Variants in NBEA observed in about 807,000 individuals in gnomAD.
NBEA encodes lysosomal-trafficking regulator 2.
A neutral mutation model predicts 343.4 loss-of-function variants in NBEA; 44 were observed. The observed-to-expected ratio is 0.13, with a 90% confidence interval of 0.10 to 0.16. NBEA has a LOEUF of 0.16. Ranked by LOEUF, NBEA falls within the 10% of genes least tolerant of loss-of-function variation. The pLI, the probability that NBEA is intolerant of heterozygous loss-of-function variation, is 1.00. For missense variants in NBEA, 2,555 were observed against 3,631.3 expected (o/e 0.70, Z 7.62); for synonymous variants, 1,175 against 1,238.7 (o/e 0.95, Z 1.08).
At chr13:35,525,553 C>CAATAAATA (rs532623658) in intron 41 of NBEA, among the ~76,000 whole-genome samples, 2 of 151,664 alleles carry the variant, frequency 1.3e-5, no homozygotes, top group East Asian at 1.9e-4. Context: ...GATTCCATCT[C>CAATAAATA]AATAAATAAA....
At chr13:35,123,677 A>T (rs2066919053) in intron 17 of NBEA, 103 bp downstream of exon 17, 1 of 562,342 alleles carries the variant, frequency 1.8e-6, no homozygotes, top group African/African-American at 2.0e-5. Context: ...TGAAAAATCT[A>T]ACAGCGGAAA....
intron 35 of NBEA, among the ~76,000 whole-genome samples, chr13:35,294,360 G>C (rs1366918074): frequency 6.6e-6 from 1 of 151,674 alleles, no homozygotes. Flanking sequence ...TTTCTTCTGA[G>C]GCTGAGTTAC....
At chr13:35,358,611 G>T (rs541377442) in intron 38 of NBEA, among the ~76,000 whole-genome samples, 89 of 151,858 alleles carry the variant, frequency 5.9e-4, no homozygotes, top group African/African-American at 2.1e-3. Flanking sequence ...CCAGCTACTC[G>T]GGAGTCTGAA....
At chr13:35,141,207 T>A (rs1317485882) in intron 17 of NBEA, among the ~76,000 whole-genome samples, 1 of 152,156 alleles carries the variant, frequency 6.6e-6, no homozygotes, top group East Asian at 1.9e-4. Flanking sequence ...AATAGAAAAT[T>A]GAAGAAATGA....
At chr13:34,980,758 A>G (rs1476202903) in intron 1 of NBEA, among the ~76,000 whole-genome samples, 1 of 152,154 alleles carries the variant, frequency 6.6e-6, no homozygotes, top group Non-Finnish European at 1.5e-5. Flanking sequence ...GAGTTTGTAG[A>G]TACTATTTAT....
intron 43 of NBEA, among the ~76,000 whole-genome samples, chr13:35,552,676 C>G (rs765156511): frequency 6.6e-6 from 1 of 152,100 alleles, no homozygotes; most frequent in African/African-American, 2.4e-5. Flanking sequence ...GAATAATCTC[C>G]TGTCTTCTGG....
chr13:35,262,729 T>C (rs1444835285), intron 34 of NBEA, among the ~76,000 whole-genome samples: 1 of 152,058 alleles, frequency 6.6e-6, no homozygotes, highest in Non-Finnish European at 1.5e-5. Context: ...GTGTGTTGAT[T>C]GTGGTGGCAA....
intron 16 of NBEA, among the ~76,000 whole-genome samples, chr13:35,119,384 CT>C (rs2066669005): frequency 6.6e-6 from 1 of 151,770 alleles, no homozygotes; most frequent in Non-Finnish European, 1.5e-5. Flanking sequence ...TTTTAAGTGC[CT>C]TTTTTACTTG....
At chr13:35,024,561 T>A (rs1456627038) in intron 1 of NBEA, among the ~76,000 whole-genome samples, 1 of 152,012 alleles carries the variant, frequency 6.6e-6, no homozygotes, top group African/African-American at 2.4e-5. Flanking sequence ...ACACCTGTAG[T>A]CCCAGTTACT....
At chr13:35,665,667 C>T (rs905878520) in intron 56 of NBEA, among the ~76,000 whole-genome samples, 13 of 152,142 alleles carry the variant, frequency 8.5e-5, no homozygotes, top group African/African-American at 2.2e-4. Flanking sequence ...ACTCTTGTCA[C>T]GCAGGCTGGG....
At chr13:35,561,707 C>G (rs1277727690) in intron 44 of NBEA, among the ~76,000 whole-genome samples, 1 of 152,210 alleles carries the variant, frequency 6.6e-6, no homozygotes, top group East Asian at 1.9e-4. Context: ...AGTATTAATG[C>G]ATTATGCAGA....
chr13:34,963,987 T>G (rs1277013174), intron 1 of NBEA, among the ~76,000 whole-genome samples: 3 of 151,980 alleles, frequency 2.0e-5, no homozygotes, highest in Non-Finnish European at 2.9e-5. Flanking sequence ...GGTAGTTTTA[T>G]AGATGAGGGA....
chr13:35,146,527 C>T (rs916551405), intron 18 of NBEA, among the ~76,000 whole-genome samples: 1 of 152,160 alleles, frequency 6.6e-6, no homozygotes, highest in Non-Finnish European at 1.5e-5. Context: ...TCCTTCTCTC[C>T]CTTTGGAGCT....
intron 33 of NBEA, among the ~76,000 whole-genome samples, chr13:35,214,797 T>C (rs116965999): frequency 2.9e-3 from 444 of 151,974 alleles, no homozygotes; most frequent in Middle Eastern, 0.014. Flanking sequence ...TTCTACTATA[T>C]TTTCTTCTAA....
intron 36 of NBEA, among the ~76,000 whole-genome samples, chr13:35,341,719 A>T (rs911897614): frequency 2.0e-5 from 3 of 152,042 alleles, no homozygotes; most frequent in Non-Finnish European, 4.4e-5. Context: ...TTTAAAACAG[A>T]CAACAACAAG....
chr13:35,120,135 AC>A (rs1306812533), intron 16 of NBEA, among the ~76,000 whole-genome samples: 7 of 152,186 alleles, frequency 4.6e-5, no homozygotes, highest in Non-Finnish European at 8.8e-5. Flanking sequence ...AAGATACCAA[AC>A]TTAGATTGTC....
chr13:35,278,812 C>T (rs1299211928), intron 34 of NBEA, among the ~76,000 whole-genome samples: 2 of 152,000 alleles, frequency 1.3e-5, no homozygotes, highest in African/African-American at 2.4e-5. Flanking sequence ...ATGAATACTT[C>T]GGGCTTTGCA....
intron 10 of NBEA, among the ~76,000 whole-genome samples, chr13:35,079,542 T>G (rs1422763945): frequency 6.6e-6 from 1 of 152,114 alleles, no homozygotes; most frequent in African/African-American, 2.4e-5. Context: ...GTAAAGAATA[T>G]AGGTCTCAAT....
At chr13:35,613,046 T>A (rs1259888802) in intron 48 of NBEA, among the ~76,000 whole-genome samples, 3 of 150,892 alleles carry the variant, frequency 2.0e-5, no homozygotes, top group African/African-American at 7.3e-5. Flanking sequence ...TATCATTGCT[T>A]TGTGGTAAGA....
Sources: allele counts gnomAD v4.1 joint callset (sites outside exome capture counted in the v4.1 genomes callset), GRCh38; gene constraint gnomAD v4.1.1; transcripts MANE v1.5; gene names NCBI Gene and HGNC (gene_info 2026-07-23, HGNC 2026-07-21).